Variants in ASIC2 observed in about 807,000 individuals in gnomAD.
The protein encoded by ASIC2 is acid-sensing ion channel 2.
In ASIC2, 25 loss-of-function variants were observed where a neutral mutation model predicts 57.3. That is an observed-to-expected ratio of 0.44 (90% CI 0.32 to 0.61). ASIC2 has a LOEUF of 0.61. Among genes scored for constraint, ASIC2 ranks in the 20% least tolerant of loss-of-function variants. The pLI, the probability that ASIC2 is intolerant of heterozygous loss-of-function variation, is 0.06. For missense variants in ASIC2, 641 were observed against 738.1 expected (o/e 0.87, Z 1.52); for synonymous variants, 319 against 307.5 (o/e 1.04, Z -0.39).
intron 1 of ASIC2, among the ~76,000 whole-genome samples, chr17:33,551,304 C>A (rs964562101): frequency 1.3e-5 from 2 of 151,960 alleles, no homozygotes; most frequent in Non-Finnish European, 2.9e-5. Context: ...GTGGTGGTGG[C>A]TGTGGGGAGG....
chr17:34,142,813 A>C (rs1235852817), intron 1 of ASIC2: 1 of 152,222 alleles, frequency 6.6e-6, no homozygotes, highest in Non-Finnish European at 1.5e-5. Context: ...AAAATGGAGA[A>C]GTGGAGGTGG....
At chr17:33,554,604 A>C (rs1238942697) in intron 1 of ASIC2, among the ~76,000 whole-genome samples, 1 of 152,144 alleles carries the variant, frequency 6.6e-6, no homozygotes, top group Non-Finnish European at 1.5e-5. Flanking sequence ...GTCTGTGGCT[A>C]GGATCATTTT....
At chr17:33,281,116 A>C (rs1408746650) in intron 1 of ASIC2, among the ~76,000 whole-genome samples, 3 of 152,226 alleles carry the variant, frequency 2.0e-5, no homozygotes, top group Non-Finnish European at 4.4e-5. Context: ...GTCTATTTCA[A>C]GCTTCCCAGT....
intron 1 of ASIC2, among the ~76,000 whole-genome samples, chr17:33,453,672 C>T (rs1365530791): frequency 6.6e-6 from 1 of 152,078 alleles, no homozygotes; most frequent in African/African-American, 2.4e-5. Flanking sequence ...TTTAAGGGTA[C>T]GACTTAATAT....
At chr17:33,854,986 G>A (rs780538649) in intron 1 of ASIC2, among the ~76,000 whole-genome samples, 8 of 152,194 alleles carry the variant, frequency 5.3e-5, no homozygotes, top group Non-Finnish European at 8.8e-5. Context: ...CCTGCTAGGG[G>A]CCAACTGAGT....
chr17:33,418,246 C>G (rs767023835), intron 1 of ASIC2, among the ~76,000 whole-genome samples: 40 of 152,076 alleles, frequency 2.6e-4, no homozygotes, highest in Non-Finnish European at 4.7e-4. Flanking sequence ...GGGTTTATGA[C>G]TTAATACCAC....
chr17:33,515,432 T>A (rs906189986), intron 1 of ASIC2, among the ~76,000 whole-genome samples: 42 of 152,340 alleles, frequency 2.8e-4, no homozygotes, highest in Admixed American at 2.0e-3. Context: ...CCATGGCCTA[T>A]GGGTATTTCA....
chr17:33,469,225 G>A (rs552528471), intron 1 of ASIC2, among the ~76,000 whole-genome samples: 77 of 152,310 alleles, frequency 5.1e-4, no homozygotes, highest in East Asian at 2.3e-3. Context: ...AAGGAGCAGC[G>A]TCGAGACCCA....
chr17:33,805,789 A>C (rs1912251250), intron 1 of ASIC2, among the ~76,000 whole-genome samples: 1 of 152,204 alleles, frequency 6.6e-6, no homozygotes, highest in African/African-American at 2.4e-5. Flanking sequence ...TTCCTCACCC[A>C]GGGCTTCCAT....
At chr17:33,840,164 A>G (rs1171175140) in intron 1 of ASIC2, among the ~76,000 whole-genome samples, 1 of 152,208 alleles carries the variant, frequency 6.6e-6, no homozygotes, top group Non-Finnish European at 1.5e-5. Context: ...TCAGTTGGAC[A>G]CTAGAAATAT....
intron 1 of ASIC2, among the ~76,000 whole-genome samples, chr17:33,985,194 G>A (rs1232175842): frequency 6.6e-6 from 1 of 152,118 alleles, no homozygotes; most frequent in African/African-American, 2.4e-5. Flanking sequence ...TCAGCTCCAG[G>A]AACACCTTGG....
Position 33,736,681 on chromosome 17 carries a change from GTCT to G in ASIC2, c.555+419294_555+419296del, listed in dbSNP as rs1235429561. 2.6e-5 allele frequency among the ~76,000 whole-genome samples: 4 copies of G among 151,982 alleles called. No individual in the cohort carries two copies. In the East Asian group the frequency reaches 5.8e-4, roughly 22 times the overall value. On this transcript the variant is annotated intron_variant, in intron 1 of 9. Transcript: ENST00000359872. ...GAATTATATAAAGAAACATTTAATT[GTCT>G]TCTTATTTTTCCTATCAATTGTACC...
rs143011022 is a variant in ASIC2, at chr17:33,191,631, G to C, written c.709-79564C>G. ...GGGAGGAGAATGAGGAGGAGGAGGA[G>C]GAGAAATAGCCACCAGTAGGGTGGC... On this transcript the variant is annotated intron_variant, in intron 1 of 9. Coordinates refer to ENST00000225823, the MANE Select transcript of ASIC2 (RefSeq NM_183377.2). 1.3e-3 allele frequency among the ~76,000 whole-genome samples: 202 copies of C among 151,988 alleles called. 1 individual carries two copies. The highest frequency in any genetic ancestry group is 2.0e-3 in the Non-Finnish European group (138 of 67,940).
intron 1 of ASIC2, among the ~76,000 whole-genome samples, chr17:33,412,707 C>T (rs968822988): frequency 2.0e-5 from 3 of 152,110 alleles, no homozygotes; most frequent in Non-Finnish European, 4.4e-5. Flanking sequence ...AGGAAGGCTG[C>T]CTGGATCATC....
chr17:34,095,715 A>G (rs1339679759), intron 1 of ASIC2, among the ~76,000 whole-genome samples: 1 of 143,578 alleles, frequency 7.0e-6, no homozygotes, highest in Non-Finnish European at 1.5e-5. Flanking sequence ...ATATAATTTT[A>G]TATATAGAGA....
chr17:33,868,193 GTA>G (rs34494161), intron 1 of ASIC2, among the ~76,000 whole-genome samples: 15,543 of 81,816 alleles, frequency 0.19, 940 homozygotes, highest in South Asian at 0.32. Flanking sequence ...GTGTGTGTGT[GTA>G]TGTGTGTGTG....
intron 1 of ASIC2, among the ~76,000 whole-genome samples, chr17:33,960,967 G>C (rs1160013710): frequency 6.6e-6 from 1 of 152,168 alleles, no homozygotes; most frequent in African/African-American, 2.4e-5. Context: ...ATACCTGAAT[G>C]AGATAAATAA....
rs73273248 is a variant in ASIC2 at position 33,493,964 on chromosome 17, C to A, written c.556-381897G>T. On this transcript the variant is annotated intron_variant, in intron 1 of 9. Coordinates refer to the ASIC2 transcript ENST00000359872. ...TGTAGAAGTTATTATAGTTAAGATACTCCTCTCAAAGGTGGGAGACTCTTA... is the reference window on the plus strand; with the variant it reads ...TGTAGAAGTTATTATAGTTAAGATAATCCTCTCAAAGGTGGGAGACTCTTA... 4.9e-3 allele frequency among the ~76,000 whole-genome samples: 742 copies of A among 152,338 alleles called. 10 individuals are homozygous for A. The highest frequency in any genetic ancestry group is 0.017 in the African/African-American group (713 of 41,584).
intron 1 of ASIC2, among the ~76,000 whole-genome samples, chr17:33,129,858 G>C (rs2092338250): frequency 6.6e-6 from 1 of 152,134 alleles, no homozygotes; most frequent in Non-Finnish European, 1.5e-5. Context: ...TTAGTGGGAG[G>C]GTGTTAAGTG....
Sources: allele counts gnomAD v4.1 joint callset (sites outside exome capture counted in the v4.1 genomes callset), GRCh38; gene constraint gnomAD v4.1.1; transcripts MANE v1.5; gene names NCBI Gene and HGNC (gene_info 2026-07-23, HGNC 2026-07-21).